Variants in TES observed in about 807,000 individuals in gnomAD.
The protein encoded by TES is testin.
In TES, 41 loss-of-function variants were observed where a neutral mutation model predicts 48.2. The ratio of observed to expected loss-of-function variants is 0.85; its 90% CI spans 0.66 to 1.10. TES has a LOEUF of 1.10. TES is among the 50% of genes least tolerant of loss of function. The pLI is 0.00. For missense variants in TES, 463 were observed against 515.1 expected (o/e 0.90, Z 0.98); for synonymous variants, 162 against 174.9 (o/e 0.93, Z 0.58).
At chr7:116,222,251 TG>T (rs1200697587) in intron 1 of TES, among the ~76,000 whole-genome samples, 1 of 152,164 alleles carries the variant, frequency 6.6e-6, no homozygotes, top group African/African-American at 2.4e-5. Context: ...AATGCTAATT[TG>T]GGGCAAAAGA....
At chr7:116,212,844 C>T (rs558142738) in intron 1 of TES, among the ~76,000 whole-genome samples, 1 of 152,248 alleles carries the variant, frequency 6.6e-6, no homozygotes, top group South Asian at 2.1e-4. Context: ...TTTCTCTAAT[C>T]CTCCTCTTCT....
At chr7:116,218,496 G>C (rs1254700607) in intron 1 of TES, among the ~76,000 whole-genome samples, 1 of 152,140 alleles carries the variant, frequency 6.6e-6, no homozygotes, top group Non-Finnish European at 1.5e-5. Context: ...AACAGAATGA[G>C]TCACAAAGTA....
chr7:116,210,899 G>C, intron 1 of TES, 165 bp downstream of exon 1: 1 of 500,766 alleles, frequency 2.0e-6, no homozygotes. Flanking sequence ...CCTGGGTAGA[G>C]GAGGTGCTCG....
chr7:116,257,570 CA>C lies in TES; in HGVS notation c.*95del, dbSNP rs1200247430. 2.5e-5 allele frequency: 29 copies of C among 1,166,800 alleles called. No individual in the cohort carries two copies. Among genetic ancestry groups the C allele is most frequent in the Non-Finnish European group, 3.1e-5 (28 of 897,980 alleles). 72.3% of individuals were successfully genotyped at this position (1,166,800 alleles called of 1,614,324 possible). ...AATGCAATTTGAAAAAAATAAAACG[CA>C]AAAAAAGAAACTGTAAAGGAAACCA... is the stretch of plus-strand genomic sequence containing the variant. On this transcript the variant is annotated 3_prime_UTR_variant, in exon 7 of 7. Coordinates refer to ENST00000358204, the MANE Select transcript of TES (RefSeq NM_015641.4).
rs189447815 is a variant in TES at position 116,235,591 on chromosome 7, T to C, written c.113+972T>C. 3.3e-3 allele frequency among the ~76,000 whole-genome samples: 510 copies of C among 152,328 alleles called. 3 individuals carry two copies. Among genetic ancestry groups the C allele is most frequent in the Middle Eastern group, 6.8e-3 (2 of 294 alleles). ...AGTACTACTGCATATCATATAAATC[T>C]AAAATCAGTATTTGAAACCTGTGCT... On this transcript the variant is annotated intron_variant, in intron 2 of 6. Transcript: ENST00000358204.
chr7:116,237,163 G>A (rs1366156442), intron 2 of TES, among the ~76,000 whole-genome samples: 5 of 152,150 alleles, frequency 3.3e-5, no homozygotes, highest in African/African-American at 9.7e-5. Context: ...ACTTATGTGG[G>A]TGAAGTAGAC....
chr7:116,210,648 G>C lies in TES; in HGVS notation c.-60G>C. On this transcript the variant is annotated 5_prime_UTR_variant, in exon 1 of 7. Transcript: ENST00000358204. ...GTGTTCGCAGCGGAGCCGGAGGCCA[G>C]CTGAACCCGGCCGTGGGATCCCGGA... 1.5e-6 allele frequency: 2 copies of C among 1,298,354 alleles called. No homozygotes were observed. Among genetic ancestry groups the C allele is most frequent in the Non-Finnish European group, 2.0e-6 (2 of 1,011,946 alleles). The allele number at this position is 1,298,354 out of a possible 1,614,324, so 80.4% of individuals were successfully genotyped here.
chr7:116,219,848 C>T (rs868387300), intron 1 of TES, among the ~76,000 whole-genome samples: 59 of 152,160 alleles, frequency 3.9e-4, no homozygotes, highest in African/African-American at 1.4e-3. Flanking sequence ...TATCAGACTA[C>T]ACGTTTCAAA....
intron 2 of TES, 110 bp downstream of exon 2, chr7:116,234,729 C>G: frequency 1.2e-6 from 1 of 812,404 alleles, no homozygotes; most frequent in African/African-American, 1.7e-5. Flanking sequence ...AGTTGCAGAC[C>G]TGTTACTGTC....
intron 6 of TES, among the ~76,000 whole-genome samples, chr7:116,253,356 C>G (rs1233325325): frequency 2.6e-5 from 4 of 152,122 alleles, no homozygotes; most frequent in Non-Finnish European, 5.9e-5. Context: ...GTTATTCATT[C>G]TCTATCAACT....
rs1800121484 is a variant in TES at position 116,257,604 on chromosome 7, T to C, written c.*122T>C. ...AAACTGTAAAGGAAACCAAGAGATTTTGTTTAATTTTTTTGGCCATTTTTT... is the reference window on the plus strand; with the variant it reads ...AAACTGTAAAGGAAACCAAGAGATTCTGTTTAATTTTTTTGGCCATTTTTT... On this transcript the variant is annotated 3_prime_UTR_variant, in exon 7 of 7. Coordinates refer to ENST00000358204, the MANE Select transcript of TES (RefSeq NM_015641.4). 1.3e-5 allele frequency: 13 copies of C among 1,015,966 alleles called. No homozygotes were observed. The highest frequency in any genetic ancestry group is 1.7e-5 in the African/African-American group (1 of 59,368). The allele number at this position is 1,015,966 out of a possible 1,614,324, so 62.9% of individuals were successfully genotyped here.
At chr7:116,221,274 A>G (rs1799554624) in intron 1 of TES, among the ~76,000 whole-genome samples, 1 of 152,186 alleles carries the variant, frequency 6.6e-6, no homozygotes, top group African/African-American at 2.4e-5. Flanking sequence ...ATCGCTATGC[A>G]AAGGATTCAA....
chr7:116,257,175 A>G (rs1156836736), intron 6 of TES, 119 bp from the exon 7 acceptor site: 3 of 1,111,880 alleles, frequency 2.7e-6, no homozygotes, highest in Non-Finnish European at 3.7e-6. Flanking sequence ...TCCATTGTGT[A>G]TTTCTGAGGT....
chr7:116,246,154 G>A (rs1047282743), intron 2 of TES, among the ~76,000 whole-genome samples: 1 of 152,100 alleles, frequency 6.6e-6, no homozygotes, highest in African/African-American at 2.4e-5. Flanking sequence ...TCAGTTTTTT[G>A]TTCAAGGAGA....
In TES at chr7:116,257,081, G is replaced by A. The variant is rs58470009; in HGVS notation, c.1078-213G>A. 1.1e-3 allele frequency among the ~76,000 whole-genome samples: 171 copies of A among 152,222 alleles called. 1 individual carries two copies. The highest frequency in any genetic ancestry group is 4.0e-3 in the African/African-American group (165 of 41,522). ...CTTACATGCATCAAATCACCTGTTT[G>A]GCCTTCACTCGTTATTTCTCAGGCT... On this transcript the variant is annotated intron_variant, in intron 6 of 6. Transcript: ENST00000358204.
chr7:116,216,072 A>T (rs1799490480), intron 1 of TES, among the ~76,000 whole-genome samples: 1 of 152,130 alleles, frequency 6.6e-6, no homozygotes, highest in Non-Finnish European at 1.5e-5. Flanking sequence ...CATGCGATCA[A>T]CATCATAGAC....
At chr7:116,256,959 A>G (rs1278332365) in intron 6 of TES, among the ~76,000 whole-genome samples, 1 of 152,216 alleles carries the variant, frequency 6.6e-6, no homozygotes, top group African/African-American at 2.4e-5. Context: ...ACTTCTGTGT[A>G]ATTACAAATG....
At chr7:116,211,099 AGACCGTGACACTTCCTG>A (rs1799432310) in intron 1 of TES, 1 of 193,512 alleles carries the variant, frequency 5.2e-6, no homozygotes, top group South Asian at 1.9e-4. Flanking sequence ...AGTGCGGGCG[AGACCGTGACACTTCCTG>A]GCTCAGGAAG....
chr7:116,210,989 A>G (rs1031147560), intron 1 of TES: 2 of 323,624 alleles, frequency 6.2e-6, no homozygotes, highest in Non-Finnish European at 1.1e-5. Flanking sequence ...TCTTCTCTCC[A>G]GTCTCACGGA....
Sources: allele counts gnomAD v4.1 joint callset (sites outside exome capture counted in the v4.1 genomes callset), GRCh38; gene constraint gnomAD v4.1.1; transcripts MANE v1.5; gene names NCBI Gene and HGNC (gene_info 2026-07-23, HGNC 2026-07-21).